Variants in NBR1 observed in about 807,000 individuals in gnomAD.
NBR1 encodes NBR1 autophagy cargo receptor.
In NBR1, 59 loss-of-function variants were observed where a neutral mutation model predicts 115.5. The observed-to-expected ratio is 0.51, with a 90% CI of 0.41 to 0.63. NBR1 has a LOEUF of 0.63. Among genes scored for constraint, NBR1 ranks in the 30% least tolerant of loss-of-function variants. The pLI, the probability that NBR1 is intolerant of heterozygous loss-of-function variation, is 0.00. For missense variants in NBR1, 1,043 were observed against 1,150.5 expected, an observed-to-expected ratio of 0.91 and a Z score of 1.35; for synonymous variants, 373 against 414.7, an observed-to-expected ratio of 0.90 and a Z score of 1.22.
rs1274940269 is a variant in NBR1 at position 43,194,514 on chromosome 17, A to G, written c.1674+15A>G. On this transcript the variant is annotated intron_variant, in intron 13 of 20. Transcript: ENST00000590996. Reference sequence around the variant, plus strand: ...TGACTGCCCAGGTGGAAGATTCAGCACTTTGAAGGGCAAGGGACAGAGGGA... The same window carrying G: ...TGACTGCCCAGGTGGAAGATTCAGCGCTTTGAAGGGCAAGGGACAGAGGGA... The G allele has an allele frequency of 6.2e-7, 1 of 1,613,464 alleles. No individual in the cohort carries two copies. The highest frequency in any genetic ancestry group is 1.7e-5 in the Admixed American group (1 of 59,976).
chr17:43,183,904 C>T (rs1236378181), intron 5 of NBR1, among the ~76,000 whole-genome samples: 1 of 152,134 alleles, frequency 6.6e-6, no homozygotes, highest in Non-Finnish European at 1.5e-5. Context: ...AAGTGATCTG[C>T]CTGCCTCAGC....
At position 43,209,912 on chromosome 17, in the gene NBR1, T is replaced by C; in HGVS notation, c.2739T>C (p.Ser913=). 6.4e-7 allele frequency: 1 copy of C among 1,550,902 alleles called. No individual in the cohort carries two copies. Among genetic ancestry groups the C allele is most frequent in the Non-Finnish European group, 8.7e-7 (1 of 1,149,798 alleles). ...TTGTCTCTACACAGCCAATAATTTC[T>C]GAAGATCAGACAGCAGCCCTGATGG... ...GPPVTAQPII[S]EDQTAALMAH... The change falls in exon 21 of 21, where the codon TCT becomes TCC. Residue 913 remains serine (S), a synonymous_variant. Coordinates refer to ENST00000590996, the MANE Select transcript of NBR1 (RefSeq NM_005899.5).
At chr17:43,201,501 G>A (rs1199043682) in intron 17 of NBR1, among the ~76,000 whole-genome samples, 185 bp from the exon 18 acceptor site, 3 of 152,168 alleles carry the variant, frequency 2.0e-5, no homozygotes, top group Admixed American at 2.0e-4. Flanking sequence ...CTTGCCTGTG[G>A]CTAAAGAGGA....
chr17:43,208,144 G>A (rs2057351466), intron 20 of NBR1, among the ~76,000 whole-genome samples: 2 of 152,202 alleles, frequency 1.3e-5, no homozygotes, highest in Admixed American at 1.3e-4. Context: ...AACTGGTGGT[G>A]AGGAATTTGA....
At position 43,189,776 on chromosome 17, in the gene NBR1, G is replaced by A. The variant is rs1451774842; in HGVS notation, c.669G>A (p.Arg223=). ...WHIACNNCQR[R]IVGVRYQCSL... ...TTGCTTGCAACAACTGCCAAAGAAGGATTGTTGGTGTCCGCTACCAGTGTA... is the reference window on the plus strand; with the variant it reads ...TTGCTTGCAACAACTGCCAAAGAAGAATTGTTGGTGTCCGCTACCAGTGTA... The change falls in exon 8 of 21, where the codon AGG becomes AGA. Residue 223 remains arginine (R), a synonymous_variant. Transcript: ENST00000590996. 1 of 1,613,866 alleles carries A rather than the reference G, an allele frequency of 6.2e-7. No homozygotes were observed. The highest frequency in any genetic ancestry group is 1.7e-5 in the Admixed American group (1 of 60,018).
At chr17:43,202,747 A>G (rs763155107) in intron 19 of NBR1, 35 bp downstream of exon 19, 3 of 1,513,070 alleles carry the variant, frequency 2.0e-6, no homozygotes, top group Non-Finnish European at 2.7e-6. Flanking sequence ...TTTCAGAAGC[A>G]GGTGGATATT....
chr17:43,200,623 C>A lies in NBR1; in HGVS notation c.2468+15C>A. ...TCACTGCCCAGGTACCACTCACAGCCCCCTCAGCTGGGGTGTTCTTCAGAG... is the reference window on the plus strand; with the variant it reads ...TCACTGCCCAGGTACCACTCACAGCACCCTCAGCTGGGGTGTTCTTCAGAG... On this transcript the variant is annotated intron_variant, in intron 17 of 20. Transcript: ENST00000590996. 6.3e-7 allele frequency: 1 copy of A among 1,583,518 alleles called. No individual in the cohort carries two copies. Among genetic ancestry groups the A allele is most frequent in the South Asian group, 1.1e-5 (1 of 87,694 alleles).
chr17:43,188,750 A>G lies in NBR1; in HGVS notation c.403-292A>G, dbSNP rs181370200. 1.1e-3 allele frequency among the ~76,000 whole-genome samples: 161 copies of G among 152,156 alleles called. 1 individual carries two copies. The highest frequency in any genetic ancestry group is 3.4e-3 in the African/African-American group (142 of 41,516). On this transcript the variant is annotated intron_variant, in intron 6 of 20. Coordinates refer to ENST00000590996, the MANE Select transcript of NBR1 (RefSeq NM_005899.5). Reference sequence around the variant, plus strand: ...CCCATTGCCTGTTTCAGTCTATCCAATTTCTAGATTTATTTCTCATTGTCT... The same window carrying G: ...CCCATTGCCTGTTTCAGTCTATCCAGTTTCTAGATTTATTTCTCATTGTCT...
At position 43,194,410 on chromosome 17, in the gene NBR1, GGGACAGCAGCCT is replaced by G; in HGVS notation, c.1587_1598del (p.Thr530_Cys533del). ...TGGTGAAGTGACTGAGCAGACAGAA[GGGACAGCAGCCT>G]GCATCCCACAGAAGGCAAAAAATGT... On this transcript the variant is annotated inframe_deletion, in exon 13 of 21. Transcript: ENST00000590996. 6.2e-7 allele frequency: 1 copy of G among 1,613,960 alleles called. No individual in the cohort carries two copies.
At chr17:43,207,735 G>A (rs554338828) in intron 20 of NBR1, among the ~76,000 whole-genome samples, 93 of 152,258 alleles carry the variant, frequency 6.1e-4, no homozygotes, top group African/African-American at 2.1e-3. Context: ...GTTGTTATAC[G>A]GTATTCGGGA....
At chr17:43,193,049 T>G in intron 10 of NBR1, 45 bp from the exon 11 acceptor site, 2 of 1,600,352 alleles carry the variant, frequency 1.2e-6, no homozygotes, top group Non-Finnish European at 1.7e-6. Context: ...TTCAGAAGCC[T>G]TCACACCCAA....
At position 43,196,939 on chromosome 17, in the gene NBR1, C is replaced by T; in HGVS notation, c.1862-3C>T. The T allele has an allele frequency of 1.9e-6, 3 of 1,613,886 alleles. No individual in the cohort carries two copies. Among genetic ancestry groups the T allele is most frequent in the South Asian group, 2.2e-5 (2 of 91,072 alleles). ...GTGCAGATAAGGTTCGTGTGTCTTT[C>T]AGATTCTATGGTGTCAGTAAAGAGG... is the stretch of plus-strand genomic sequence containing the variant. On this transcript the variant is annotated splice_polypyrimidine_tract_variant and splice_region_variant and intron_variant, in intron 15 of 20. Coordinates refer to ENST00000590996, the MANE Select transcript of NBR1 (RefSeq NM_005899.5).
chr17:43,179,385 C>T lies in NBR1; in HGVS notation c.166-9C>T, dbSNP rs982912956. 12 of 1,612,186 alleles carry T rather than the reference C, an allele frequency of 7.4e-6. No individual in the cohort carries two copies. Among genetic ancestry groups the T allele is most frequent in the Non-Finnish European group, 1.0e-5 (12 of 1,178,800 alleles). ...TTATAATTCACTGTTGCTTTTTTTCCTTTTATAGGTATCCATCAACAGTCA... is the reference window on the plus strand; with the variant it reads ...TTATAATTCACTGTTGCTTTTTTTCTTTTTATAGGTATCCATCAACAGTCA... On this transcript the variant is annotated splice_polypyrimidine_tract_variant and intron_variant, in intron 3 of 20. Coordinates refer to ENST00000590996, the MANE Select transcript of NBR1 (RefSeq NM_005899.5).
chr17:43,210,033 C>T lies in NBR1; in HGVS notation c.2860C>T (p.Leu954Phe). The T allele has an allele frequency of 6.2e-7, 1 of 1,612,712 alleles. No individual in the cohort carries two copies. Among genetic ancestry groups the T allele is most frequent in the South Asian group, 1.1e-5 (1 of 90,882 alleles). ...TATCCTGCAGGTTGTGACAGAACTT[C>T]TTCAGTTAAACAACAACGACTGGTA... ...YNILQVVTEL[L>F]QLNNNDWYSQ... Residue 954 changes from leucine (L) to phenylalanine (F), a missense_variant, in exon 21 of 21, where the codon CTT becomes TTT. Coordinates refer to ENST00000590996, the MANE Select transcript of NBR1 (RefSeq NM_005899.5).
rs1316805977 is a variant in NBR1, at chr17:43,210,903, A to C, written c.*829A>C. ...AATTTAACAGTTGCCTTTTTTCTTA[A>C]TGTCAGGGCAGATCTTATTTTACAG... On this transcript the variant is annotated 3_prime_UTR_variant, in exon 21 of 21. Coordinates refer to ENST00000590996, the MANE Select transcript of NBR1 (RefSeq NM_005899.5). 5 of 394,126 alleles carry C rather than the reference A, an allele frequency of 1.3e-5. No individual in the cohort carries two copies. In the East Asian group the frequency reaches 1.8e-4, roughly 14 times the overall value. The allele number at this position is 394,126 out of a possible 1,614,324, so 24.4% of individuals were successfully genotyped here.
At chr17:43,184,314 CT>C (rs2154582067) in intron 5 of NBR1, among the ~76,000 whole-genome samples, 1 of 150,956 alleles carries the variant, frequency 6.6e-6, no homozygotes, top group East Asian at 1.9e-4. Flanking sequence ...CTGCCTCAGC[CT>C]CCCAAAGTGC....
intron 16 of NBR1, among the ~76,000 whole-genome samples, chr17:43,197,392 G>T (rs2057093312): frequency 6.6e-6 from 1 of 151,986 alleles, no homozygotes; most frequent in Non-Finnish European, 1.5e-5. Context: ...CGTGGCGGGT[G>T]CCTGTAGTCC....
intron 5 of NBR1, among the ~76,000 whole-genome samples, chr17:43,183,858 C>A (rs1432597870): frequency 1.3e-5 from 2 of 152,060 alleles, no homozygotes; most frequent in Non-Finnish European, 2.9e-5. Flanking sequence ...TAGGGCTTCG[C>A]TATGTTGGCC....
intron 19 of NBR1, 26 bp from the exon 20 acceptor site, chr17:43,203,655 G>T: frequency 7.1e-7 from 1 of 1,414,610 alleles, no homozygotes. Flanking sequence ...GTTTGTTTGG[G>T]GAGATAATTT....
Sources: allele counts gnomAD v4.1 joint callset (sites outside exome capture counted in the v4.1 genomes callset), GRCh38; gene constraint gnomAD v4.1.1; transcripts MANE v1.5; gene names NCBI Gene and HGNC (gene_info 2026-07-23, HGNC 2026-07-21).